SEC11C: variants seen among roughly 807,000 people sequenced by gnomAD.
SEC11C encodes SEC11 homolog C, signal peptidase complex subunit.
In SEC11C, 10 loss-of-function variants were observed where a neutral mutation model predicts 21.9. That is an observed-to-expected ratio of 0.46 (90% CI 0.28 to 0.77). SEC11C has a LOEUF of 0.77. SEC11C is among the 30% of genes least tolerant of loss of function. SEC11C has a pLI of 0.12. For missense variants in SEC11C, 145 were observed against 244.5 expected, an observed-to-expected ratio of 0.59 and a Z score of 2.71; for synonymous variants, 83 against 85.6, an observed-to-expected ratio of 0.97 and a Z score of 0.17.
At chr18:59,149,269 T>C (rs1387390539) in intron 1 of SEC11C, among the ~76,000 whole-genome samples, 1 of 152,236 alleles carries the variant, frequency 6.6e-6, no homozygotes, top group African/African-American at 2.4e-5. Flanking sequence ...CTTGAGGCTT[T>C]AACAAGACAA....
chr18:59,158,562 TC>T, intron 5 of SEC11C, 69 bp from the exon 6 acceptor site: 6 of 1,225,084 alleles, frequency 4.9e-6, no homozygotes, highest in Non-Finnish European at 7.3e-6. Flanking sequence ...ACGGACTTCA[TC>T]TGAATACATT....
chr18:59,143,123 C>T (rs138399095), intron 1 of SEC11C, among the ~76,000 whole-genome samples: 1,930 of 152,084 alleles, frequency 0.013, 17 homozygotes, highest in Non-Finnish European at 0.019. Flanking sequence ...GAGGCCGAGG[C>T]GGGCAGATCA....
At chr18:59,151,981 T>A (rs2069360347) in intron 2 of SEC11C, among the ~76,000 whole-genome samples, 1 of 152,218 alleles carries the variant, frequency 6.6e-6, no homozygotes, top group African/African-American at 2.4e-5. Flanking sequence ...GAATTGGGCT[T>A]TTGTAGAATA....
At chr18:59,149,453 C>T in intron 1 of SEC11C, 60 bp from the exon 2 acceptor site, 1 of 1,117,146 alleles carries the variant, frequency 9.0e-7, no homozygotes, top group East Asian at 2.4e-5. Context: ...TCTCCAGCTT[C>T]ACAGGTTGGT....
intron 2 of SEC11C, among the ~76,000 whole-genome samples, chr18:59,151,289 C>T (rs1165635484): frequency 1.3e-5 from 2 of 151,344 alleles, no homozygotes; most frequent in African/African-American, 4.9e-5. Context: ...AAGGATGAAG[C>T]CACAGATGAA....
intron 1 of SEC11C, among the ~76,000 whole-genome samples, chr18:59,144,901 T>C (rs2069252974): frequency 6.6e-6 from 1 of 152,182 alleles, no homozygotes; most frequent in African/African-American, 2.4e-5. Context: ...AATTTTAGTG[T>C]TTTTCTTATT....
chr18:59,153,542 C>T (rs1444269050), intron 3 of SEC11C, among the ~76,000 whole-genome samples: 1 of 151,942 alleles, frequency 6.6e-6, no homozygotes, highest in Non-Finnish European at 1.5e-5. Flanking sequence ...GTATTAGATT[C>T]CCATTCCATT....
chr18:59,149,174 G>A (rs920042426), intron 1 of SEC11C, among the ~76,000 whole-genome samples: 5 of 152,212 alleles, frequency 3.3e-5, no homozygotes, highest in East Asian at 1.9e-4. Flanking sequence ...GGTCTGCATC[G>A]GGAGGCTCTG....
intron 1 of SEC11C, among the ~76,000 whole-genome samples, chr18:59,140,960 A>G (rs556008816): frequency 2.0e-5 from 3 of 152,298 alleles, no homozygotes; most frequent in South Asian, 4.2e-4. Context: ...TAATGCCACT[A>G]TTGCTACTAA....
At chr18:59,145,177 G>C (rs2069256886) in intron 1 of SEC11C, among the ~76,000 whole-genome samples, 1 of 152,246 alleles carries the variant, frequency 6.6e-6, no homozygotes, top group Non-Finnish European at 1.5e-5. Flanking sequence ...AGGCTGGCCA[G>C]AGTGGAGATT....
intron 2 of SEC11C, among the ~76,000 whole-genome samples, chr18:59,150,756 A>G (rs554292891): frequency 1.5e-4 from 23 of 149,976 alleles, no homozygotes; most frequent in Non-Finnish European, 3.4e-4. Flanking sequence ...TTTTTTTTTT[A>G]AAGAAGAAGA....
chr18:59,143,445 ATTATC>A (rs1342392844), intron 1 of SEC11C, among the ~76,000 whole-genome samples: 1 of 152,124 alleles, frequency 6.6e-6, no homozygotes, highest in Non-Finnish European at 1.5e-5. Flanking sequence ...TACATTAACA[ATTATC>A]TTAATTCATT....
At chr18:59,144,742 A>AC (rs1603376618) in intron 1 of SEC11C, among the ~76,000 whole-genome samples, 1 of 151,374 alleles carries the variant, frequency 6.6e-6, no homozygotes, top group East Asian at 1.9e-4. Flanking sequence ...AAAAAAAAAA[A>AC]AAAAAAAGTT....
intron 5 of SEC11C, 56 bp downstream of exon 5, chr18:59,157,721 C>T (rs575137991): frequency 8.3e-7 from 1 of 1,205,266 alleles, no homozygotes; most frequent in African/African-American, 1.5e-5. Context: ...GGAGCTTTTA[C>T]TTCTGCAACT....
intron 3 of SEC11C, among the ~76,000 whole-genome samples, chr18:59,153,717 ATT>A (rs975351586): frequency 1.5e-4 from 21 of 139,510 alleles, no homozygotes; most frequent in African/African-American, 2.4e-4. Context: ...TGCCTGGCTA[ATT>A]TTTTTTTTTT....
chr18:59,155,460 A>G (rs1438383348), intron 3 of SEC11C: 3 of 401,466 alleles, frequency 7.5e-6, no homozygotes, highest in African/African-American at 2.1e-5. Context: ...TTTGTTGTCA[A>G]GGATACTTGA....
chr18:59,151,558 G>A (rs150891646), intron 2 of SEC11C, among the ~76,000 whole-genome samples: 30 of 152,220 alleles, frequency 2.0e-4, no homozygotes, highest in African/African-American at 6.5e-4. Flanking sequence ...AAGGTACTTA[G>A]TGACAGGCTG....
At chr18:59,152,480 C>G in intron 2 of SEC11C, 56 bp from the exon 3 acceptor site, 2 of 1,526,442 alleles carry the variant, frequency 1.3e-6, no homozygotes, top group Non-Finnish European at 1.8e-6. Context: ...CATGTCTATT[C>G]TGATCGCCTT....
intron 1 of SEC11C, among the ~76,000 whole-genome samples, chr18:59,146,681 G>A (rs1032828186): frequency 2.0e-5 from 3 of 152,136 alleles, no homozygotes; most frequent in Non-Finnish European, 2.9e-5. Context: ...TGGTGAAGAA[G>A]GGGAGCAACT....
Sources: allele counts gnomAD v4.1 joint callset (sites outside exome capture counted in the v4.1 genomes callset), GRCh38; gene constraint gnomAD v4.1.1; transcripts MANE v1.5; gene names NCBI Gene and HGNC (gene_info 2026-07-23, HGNC 2026-07-21).